Variants in SLC25A13 observed in about 807,000 individuals in gnomAD.
SLC25A13 encodes solute carrier family 25 member 13, also known as electrogenic aspartate/glutamate antiporter SLC25A13, mitochondrial.
SLC25A13 carries 70 observed loss-of-function variants against 85.5 expected under a neutral mutation model. The observed-to-expected ratio is 0.82, with a 90% CI of 0.68 to 1.00. SLC25A13 has a LOEUF of 1.00. Ranked by LOEUF, SLC25A13 falls within the 50% of genes least tolerant of loss-of-function variation. The pLI is 0.00. For synonymous variants in SLC25A13, 259 were observed against 288.7 expected (o/e 0.90, Z 1.04); for missense variants, 765 against 819.8 (o/e 0.93, Z 0.82).
intron 4 of SLC25A13, among the ~76,000 whole-genome samples, chr7:96,222,547 G>A (rs1382394794): frequency 1.3e-5 from 2 of 152,180 alleles, no homozygotes; most frequent in Non-Finnish European, 2.9e-5. Flanking sequence ...CTGGGTTCAA[G>A]TTATTCTCCT....
intron 11 of SLC25A13, among the ~76,000 whole-genome samples, chr7:96,180,046 C>T (rs758548513): frequency 6.6e-6 from 1 of 152,220 alleles, no homozygotes; most frequent in Non-Finnish European, 1.5e-5. Flanking sequence ...ATCACCACAA[C>T]ATCCTCTAGA....
At chr7:96,256,516 T>C (rs1051617120) in intron 3 of SLC25A13, among the ~76,000 whole-genome samples, 3 of 152,114 alleles carry the variant, frequency 2.0e-5, no homozygotes, top group Non-Finnish European at 4.4e-5. Context: ...CAAGAAGAGC[T>C]AGCTATCCTA....
At chr7:96,318,711 G>A (rs1800220061) in intron 1 of SLC25A13, among the ~76,000 whole-genome samples, 1 of 152,144 alleles carries the variant, frequency 6.6e-6, no homozygotes, top group Non-Finnish European at 1.5e-5. Context: ...TAAGTATAAA[G>A]ACCAAAGAAA....
intron 11 of SLC25A13, among the ~76,000 whole-genome samples, chr7:96,175,307 T>TCTTAA (rs1352530648): frequency 6.6e-6 from 1 of 152,206 alleles, no homozygotes; most frequent in African/African-American, 2.4e-5. Flanking sequence ...GGCTATGGCA[T>TCTTAA]GGAGTCAGGG....
chr7:96,210,896 C>T (rs1354223060), intron 4 of SLC25A13, among the ~76,000 whole-genome samples: 1 of 139,668 alleles, frequency 7.2e-6, no homozygotes, highest in African/African-American at 2.5e-5. Context: ...TTCTGCCAAG[C>T]ATTCCAGTGA....
rs1227374142 is a variant in SLC25A13 at position 96,120,263 on chromosome 7, C to CCT, written c.*926_*927dup. 2 of 453,542 alleles carry CCT rather than the reference C, an allele frequency of 4.4e-6. No homozygotes were observed. The highest frequency in any genetic ancestry group is 8.8e-6 in the Non-Finnish European group (2 of 226,396). The allele number at this position is 453,542 out of a possible 1,614,324, so 28.1% of individuals were successfully genotyped here. On this transcript the variant is annotated 3_prime_UTR_variant, in exon 18 of 18. Transcript: ENST00000265631. Reference sequence around the variant, plus strand: ...ATTTCCACCTTCACAAATTCATGCGCCTCTGACCATTATGCAAGGCAACAT... The same window carrying CCT: ...ATTTCCACCTTCACAAATTCATGCGCCTCTCTGACCATTATGCAAGGCAACAT...
rs530683293 is a variant in SLC25A13, at chr7:96,188,313, C to G, written c.933+981G>C. 7.2e-5 allele frequency among the ~76,000 whole-genome samples: 11 copies of G among 152,310 alleles called. No homozygotes were observed. In the South Asian group the frequency reaches 2.1e-3, roughly 29 times the overall value. On this transcript the variant is annotated intron_variant, in intron 9 of 17. Coordinates refer to ENST00000265631, the MANE Select transcript of SLC25A13 (RefSeq NM_014251.3). ...TGCTCGTTAGAATTTACTGAGCACACACCCACTACTTTGACTTGCATGCTG... is the reference window on the plus strand; with the variant it reads ...TGCTCGTTAGAATTTACTGAGCACAGACCCACTACTTTGACTTGCATGCTG...
intron 15 of SLC25A13, 150 bp from the exon 16 acceptor site, chr7:96,122,147 T>A: frequency 1.0e-6 from 1 of 981,380 alleles, no homozygotes; most frequent in Non-Finnish European, 1.5e-6. Context: ...AATGCAACCA[T>A]GCCTCTCCTG....
chr7:96,308,836 G>A (rs147213370), intron 1 of SLC25A13, among the ~76,000 whole-genome samples: 39 of 152,244 alleles, frequency 2.6e-4, no homozygotes, highest in Non-Finnish European at 4.9e-4. Context: ...ATTTACAAGC[G>A]CTCTTAGAAC....
At chr7:96,207,804 G>A (rs758834634) in intron 5 of SLC25A13, among the ~76,000 whole-genome samples, 6 of 152,044 alleles carry the variant, frequency 3.9e-5, no homozygotes, top group Non-Finnish European at 8.8e-5. Flanking sequence ...GGGGGAAGGG[G>A]GTCACGAGAG....
intron 15 of SLC25A13, among the ~76,000 whole-genome samples, chr7:96,124,820 C>T (rs1049916153): frequency 2.0e-5 from 3 of 152,140 alleles, no homozygotes; most frequent in African/African-American, 7.2e-5. Flanking sequence ...TTTTGATCCC[C>T]ACCACTTCCC....
intron 14 of SLC25A13, among the ~76,000 whole-genome samples, chr7:96,139,473 G>A (rs149595214): frequency 1.3e-5 from 2 of 152,004 alleles, no homozygotes; most frequent in African/African-American, 4.8e-5. Flanking sequence ...TTTTTCAAAT[G>A]TTCACACATA....
Position 96,193,802 on chromosome 7 carries a change from A to C in SLC25A13, c.469-619T>G, listed in dbSNP as rs897984348. 2.0e-5 allele frequency among the ~76,000 whole-genome samples: 3 copies of C among 152,328 alleles called. No individual in the cohort carries two copies. The East Asian group carries it at 5.8e-4, about 29-fold the overall frequency. On this transcript the variant is annotated intron_variant, in intron 5 of 17. Transcript: ENST00000265631. ...AGCCCCTTCCCTCTAAGGTCATAAC[A>C]ATCAAAAATGTCTCTGCATAGAGCC...
Position 96,189,382 on chromosome 7 carries a change from T to C in SLC25A13, c.849-4A>G, listed in dbSNP as rs368491877. The C allele has an allele frequency of 2.4e-4, 386 of 1,613,890 alleles. No homozygotes were observed. Among genetic ancestry groups the C allele is most frequent in the Non-Finnish European group, 3.1e-4 (366 of 1,179,762 alleles). On this transcript the variant is annotated splice_region_variant and splice_polypyrimidine_tract_variant and intron_variant, in intron 8 of 17. Transcript: ENST00000265631. ...AATGTCTGCTAAGGTCATACGTCTG[T>C]AGGGGAAAAACAAACACAAGCAACA...
intron 5 of SLC25A13, among the ~76,000 whole-genome samples, chr7:96,193,645 G>T (rs75789056): frequency 0.013 from 1,944 of 152,276 alleles, 39 homozygotes; most frequent in African/African-American, 0.045. Flanking sequence ...GAAAAGAGTG[G>T]TGGTTCTTCT....
At chr7:96,297,458 T>G (rs956599136) in intron 1 of SLC25A13, among the ~76,000 whole-genome samples, 17 of 151,878 alleles carry the variant, frequency 1.1e-4, no homozygotes, top group African/African-American at 4.1e-4. Context: ...CTCAGCCTCC[T>G]GAGTAGCTGG....
intron 13 of SLC25A13, among the ~76,000 whole-genome samples, chr7:96,147,724 T>C (rs1187861826): frequency 6.6e-6 from 1 of 152,168 alleles, no homozygotes; most frequent in South Asian, 2.1e-4. Context: ...TGGTAAGGGA[T>C]GGGTTAAATG....
At chr7:96,140,732 C>T (rs1486513418) in intron 14 of SLC25A13, among the ~76,000 whole-genome samples, 2 of 151,634 alleles carry the variant, frequency 1.3e-5, no homozygotes, top group African/African-American at 4.8e-5. Context: ...TTCTCCACAA[C>T]CTCACCATTG....
At chr7:96,192,987 T>A in intron 6 of SLC25A13, 50 bp downstream of exon 6, 1 of 1,587,622 alleles carries the variant, frequency 6.3e-7, no homozygotes, top group Non-Finnish European at 8.6e-7. Context: ...GTTTTTATAA[T>A]TCCTTATTTA....
Sources: gnomAD v4.1 joint callset for allele counts (sites outside exome capture counted in the v4.1 genomes callset) on GRCh38, gnomAD v4.1.1 for gene constraint, MANE v1.5 for transcripts, NCBI Gene and HGNC (gene_info 2026-07-23, HGNC 2026-07-21) for gene names.